Variants in B3GALT1 observed in about 807,000 individuals in gnomAD.
The protein encoded by B3GALT1 is UDP-Gal:betaGlcNAc beta 1,3-galactosyltransferase, polypeptide 1.
B3GALT1 carries 10 observed loss-of-function variants against 23.2 expected under a neutral mutation model. The observed-to-expected ratio is 0.43, with a 90% CI of 0.27 to 0.73. B3GALT1 has a LOEUF of 0.73. B3GALT1 is among the 30% of genes least tolerant of loss of function. The pLI is 0.21. For missense variants in B3GALT1, 299 were observed against 405.4 expected (o/e 0.74, Z 2.25); for synonymous variants, 156 against 141.5 (o/e 1.10, Z -0.73).
chr2:167,695,875 C>T (rs528472233), intron 3 of B3GALT1, among the ~76,000 whole-genome samples: 1 of 152,222 alleles, frequency 6.6e-6, no homozygotes, highest in South Asian at 2.1e-4. Flanking sequence ...TTGCTCCCAC[C>T]GTCATGTCTG....
At chr2:167,544,986 G>A (rs1230330925) in intron 2 of B3GALT1, among the ~76,000 whole-genome samples, 1 of 149,998 alleles carries the variant, frequency 6.7e-6, no homozygotes, top group Non-Finnish European at 1.5e-5. Context: ...TCCATGTGGT[G>A]GAAGGGGACC....
chr2:167,595,507 G>A (rs10185370), intron 2 of B3GALT1, among the ~76,000 whole-genome samples: 43 of 73,902 alleles, frequency 5.8e-4, no homozygotes, highest in Admixed American at 3.9e-3. Flanking sequence ...GTATATGTTC[G>A]GGGGACTTAC....
At chr2:167,636,363 T>C (rs1685556675) in intron 2 of B3GALT1, among the ~76,000 whole-genome samples, 1 of 151,102 alleles carries the variant, frequency 6.6e-6, no homozygotes, top group Non-Finnish European at 1.5e-5. Context: ...AGGTAGGTAC[T>C]CAGACACTTC....
chr2:167,350,001 A>G (rs139853211), intron 1 of B3GALT1, among the ~76,000 whole-genome samples: 1 of 152,354 alleles, frequency 6.6e-6, no homozygotes, highest in Non-Finnish European at 1.5e-5. Context: ...CGTTTTATAA[A>G]AGGTCTGATG....
intron 1 of B3GALT1, among the ~76,000 whole-genome samples, chr2:167,360,439 T>C (rs1220089070): frequency 1.3e-5 from 2 of 152,146 alleles, no homozygotes; most frequent in Non-Finnish European, 2.9e-5. Context: ...ATCTAGTCAG[T>C]AGGAGCGATC....
chr2:167,504,679 A>G (rs1699895287), intron 2 of B3GALT1, among the ~76,000 whole-genome samples: 1 of 152,210 alleles, frequency 6.6e-6, no homozygotes, highest in Non-Finnish European at 1.5e-5. Context: ...AGCTGTATAT[A>G]TGATGGTGGT....
At chr2:167,753,328 A>G (rs553992117) in intron 3 of B3GALT1, among the ~76,000 whole-genome samples, 3 of 152,300 alleles carry the variant, frequency 2.0e-5, no homozygotes, top group East Asian at 3.9e-4. Context: ...AATCTGCGCT[A>G]GCCATGGGAC....
intron 1 of B3GALT1, among the ~76,000 whole-genome samples, chr2:167,326,375 A>G (rs992138534): frequency 6.6e-6 from 1 of 151,948 alleles, no homozygotes; most frequent in Admixed American, 6.5e-5. Context: ...ATTTTCTCCC[A>G]TTAAAAAGGT....
rs1459427108 is a variant in B3GALT1 at position 167,457,643 on chromosome 2, A to AT, written c.-510-32533dup. 1.3e-4 allele frequency among the ~76,000 whole-genome samples: 20 copies of AT among 152,204 alleles called. No homozygotes were observed. The South Asian group carries it at 4.1e-3, about 32-fold the overall frequency. On this transcript the variant is annotated intron_variant, in intron 1 of 4. Transcript: ENST00000392690. ...TATGTTTTTGGGCTGAAATCATCAT[A>AT]TACTAATTTCTCAAGCAAATTCTGA...
chr2:167,457,306 G>A (rs1353415708), intron 1 of B3GALT1, among the ~76,000 whole-genome samples: 2 of 151,934 alleles, frequency 1.3e-5, no homozygotes, highest in African/African-American at 4.8e-5. Flanking sequence ...CCACGTAGCT[G>A]GGACTACAGG....
At chr2:167,711,850 C>A (rs1028048603) in intron 3 of B3GALT1, among the ~76,000 whole-genome samples, 1 of 152,094 alleles carries the variant, frequency 6.6e-6, no homozygotes, top group Non-Finnish European at 1.5e-5. Flanking sequence ...CACCTGTGGT[C>A]TCAGCTACTT....
chr2:167,688,914 C>CTATGTGTG (rs1363229160), intron 3 of B3GALT1, among the ~76,000 whole-genome samples: 1 of 152,042 alleles, frequency 6.6e-6, no homozygotes, highest in African/African-American at 2.4e-5. Context: ...TGTGTATTTA[C>CTATGTGTG]TATGTGTGTA....
chr2:167,811,421 A>G (rs1688886856), intron 3 of B3GALT1, among the ~76,000 whole-genome samples: 2 of 152,238 alleles, frequency 1.3e-5, no homozygotes, highest in South Asian at 2.1e-4. Context: ...TAAGGAAAAT[A>G]TGTCCAATTT....
At chr2:167,856,914 G>A (rs1228611239) in intron 4 of B3GALT1, among the ~76,000 whole-genome samples, 1 of 152,144 alleles carries the variant, frequency 6.6e-6, no homozygotes, top group African/African-American at 2.4e-5. Flanking sequence ...CAATGGAAAT[G>A]GAGAGACTAA....
chr2:167,426,328 G>A (rs543718233), intron 1 of B3GALT1, among the ~76,000 whole-genome samples: 23 of 150,516 alleles, frequency 1.5e-4, no homozygotes, highest in Admixed American at 8.6e-4. Context: ...AGGCTGGAGC[G>A]CAGTGGTGCA....
At chr2:167,768,665 G>C (rs2105306271) in intron 3 of B3GALT1, among the ~76,000 whole-genome samples, 3 of 152,308 alleles carry the variant, frequency 2.0e-5, no homozygotes, top group South Asian at 4.1e-4. Context: ...TTCCCACTGT[G>C]TAAAGTAGAG....
chr2:167,568,016 T>C (rs1042201440), intron 2 of B3GALT1, among the ~76,000 whole-genome samples: 2 of 152,122 alleles, frequency 1.3e-5, no homozygotes, highest in Non-Finnish European at 2.9e-5. Flanking sequence ...TGATTTTACT[T>C]AGTAATATGC....
intron 4 of B3GALT1, among the ~76,000 whole-genome samples, chr2:167,856,954 A>T (rs113710711): frequency 0.011 from 1,729 of 152,258 alleles, 28 homozygotes; most frequent in African/African-American, 0.039. Flanking sequence ...GTCCTTTGTT[A>T]AGGGGGCTGA....
chr2:167,606,745 T>C (rs1653411), intron 2 of B3GALT1, among the ~76,000 whole-genome samples: 121,838 of 151,594 alleles, frequency 0.8, 49,036 homozygotes, highest in Admixed American at 0.87. Context: ...GGAACTTCTA[T>C]GCTCTATTGA....
Sources: allele counts gnomAD v4.1 joint callset (sites outside exome capture counted in the v4.1 genomes callset), GRCh38; gene constraint gnomAD v4.1.1; transcripts MANE v1.5; gene names NCBI Gene and HGNC (gene_info 2026-07-23, HGNC 2026-07-21).